Variants in LAMA2 observed in about 807,000 individuals in gnomAD.
The protein encoded by LAMA2 is laminin subunit alpha 2, also known as laminin subunit alpha-2.
A neutral mutation model predicts 364.8 loss-of-function variants in LAMA2; 269 were observed. The observed-to-expected ratio is 0.74, with a 90% confidence interval of 0.67 to 0.82. The LOEUF (loss-of-function observed/expected upper bound fraction) is 0.82, where lower values mean the gene tolerates loss of function less well. Among genes scored for constraint, LAMA2 ranks in the 40% least tolerant of loss-of-function variants. The probability of loss-of-function intolerance (pLI) is 0.00; values close to 1 mark genes in which losing one functional copy is unlikely to be tolerated. For synonymous variants in LAMA2, 1,379 were observed against 1,370.6 expected (o/e 1.01, Z -0.14); for missense variants, 3,807 against 3,873.2 (o/e 0.98, Z 0.45).
intron 1 of LAMA2, among the ~76,000 whole-genome samples, chr6:128,898,945 A>G (rs1449554365): frequency 6.6e-6 from 1 of 152,072 alleles, no homozygotes; most frequent in Non-Finnish European, 1.5e-5. Context: ...TCTCCTTCTC[A>G]ATATTCCAAT....
chr6:129,492,179 G>A (rs1251131983), intron 57 of LAMA2, 102 bp downstream of exon 57: 2 of 1,402,006 alleles, frequency 1.4e-6, no homozygotes, highest in East Asian at 4.6e-5. Context: ...CAGGGGAGGA[G>A]GGAAACAATG....
At chr6:129,123,957 G>A (rs2114923728) in intron 4 of LAMA2, among the ~76,000 whole-genome samples, 1 of 152,218 alleles carries the variant, frequency 6.6e-6, no homozygotes, top group Admixed American at 6.5e-5. Flanking sequence ...ATATATATGT[G>A]GCAGAGACGG....
At chr6:129,211,168 G>T (rs1466356703) in intron 12 of LAMA2, among the ~76,000 whole-genome samples, 4 of 152,012 alleles carry the variant, frequency 2.6e-5, no homozygotes, top group Non-Finnish European at 5.9e-5. Flanking sequence ...ACAAAATATG[G>T]TAAAGTGACT....
At chr6:129,464,143 A>T in intron 49 of LAMA2, 147 bp from the exon 50 acceptor site, 1 of 733,842 alleles carries the variant, frequency 1.4e-6, no homozygotes, top group Non-Finnish European at 2.4e-6. Flanking sequence ...GGCAGTAGAG[A>T]TGGAGATAAG....
intron 41 of LAMA2, among the ~76,000 whole-genome samples, chr6:129,436,045 T>C (rs1781815426): frequency 6.6e-6 from 1 of 152,226 alleles, no homozygotes; most frequent in African/African-American, 2.4e-5. Flanking sequence ...TCAGTCTTGG[T>C]GTTGACAAAT....
At chr6:129,447,748 G>T (rs1414738) in intron 45 of LAMA2, among the ~76,000 whole-genome samples, 22,099 of 152,130 alleles carry the variant, frequency 0.15, 1,711 homozygotes, top group East Asian at 0.21. Context: ...TGTGGCAAGA[G>T]AAAAGAAGAA....
rs1562324560 is a variant in LAMA2 at position 129,200,345 on chromosome 6, T to TATAC, written c.1782+7492_1782+7493insATAC. Reference sequence around the variant, plus strand: ...GTACACATATACATATACACGTATATGTGTACACATATACATATACACGTG... The same window carrying TATAC: ...GTACACATATACATATACACGTATATATACGTGTACACATATACATATACACGTG... On this transcript the variant is annotated intron_variant, in intron 12 of 64. Coordinates refer to ENST00000421865, the MANE Select transcript of LAMA2 (RefSeq NM_000426.4). Among the ~76,000 whole-genome samples, 2 of 124,430 alleles carry TATAC rather than the reference T, an allele frequency of 1.6e-5. 1 individual carries two copies. The allele number at this position is 124,430 out of a possible 152,430, so 81.6% of individuals were successfully genotyped here.
chr6:129,265,830 G>A (rs185588308), intron 15 of LAMA2, among the ~76,000 whole-genome samples: 32 of 152,112 alleles, frequency 2.1e-4, no homozygotes, highest in Admixed American at 1.4e-3. Context: ...AAACCTGCAC[G>A]TTCTGCACAT....
rs1398841167 is a variant in LAMA2 at position 129,260,772 on chromosome 6, G to A, written c.2158G>A (p.Ala720Thr). ...TCCTACTGATGGAAGCATTGCAGCAGCTGTAGAAGTGTGTCAGTGCCCACC... is the reference window on the plus strand; with the variant it reads ...TCCTACTGATGGAAGCATTGCAGCAACTGTAGAAGTGTGTCAGTGCCCACC... Reference protein sequence around the residue: ...SYPTDGSIAAAVEVCQCPPGY... With the variant: ...SYPTDGSIAATVEVCQCPPGY... Residue 720 changes from alanine to threonine, a missense_variant, in exon 15 of 65, where the codon GCT (alanine) becomes ACT (threonine). This residue lies in a region of LAMA2 where 3,333 missense variants were observed against 3,345.7 expected (regional missense o/e 1.00). Coordinates refer to ENST00000421865, the MANE Select transcript of LAMA2 (RefSeq NM_000426.4). The A allele has an allele frequency of 1.2e-6, 2 of 1,612,754 alleles. No individual in the cohort carries two copies. Among genetic ancestry groups the A allele is most frequent in the Non-Finnish European group, 1.7e-6 (2 of 1,179,002 alleles).
chr6:129,374,558 G>T (rs1486160156), intron 34 of LAMA2, among the ~76,000 whole-genome samples: 1 of 151,746 alleles, frequency 6.6e-6, no homozygotes, highest in Non-Finnish European at 1.5e-5. Flanking sequence ...TCTGGAAAAT[G>T]CCTTAATTGG....
intron 16 of LAMA2, among the ~76,000 whole-genome samples, chr6:129,270,176 A>G (rs2114354940): frequency 6.6e-6 from 1 of 152,000 alleles, no homozygotes. Context: ...CACAGTTCCC[A>G]TTAAATCAGC....
intron 1 of LAMA2, among the ~76,000 whole-genome samples, chr6:128,907,883 T>C (rs1348718101): frequency 2.0e-5 from 3 of 152,210 alleles, no homozygotes; most frequent in African/African-American, 4.8e-5. Flanking sequence ...TCTGCATCTA[T>C]TGAGATAATC....
chr6:129,436,625 C>T (rs1344368332), intron 41 of LAMA2, among the ~76,000 whole-genome samples: 1 of 152,020 alleles, frequency 6.6e-6, no homozygotes, highest in East Asian at 1.9e-4. Flanking sequence ...ATTTAAAATT[C>T]TAATAAACTT....
In LAMA2 at chr6:128,936,217, G is replaced by A. The variant is rs1233459452; in HGVS notation, c.112+52860G>A. Among the ~76,000 whole-genome samples the A allele has an allele frequency of 2.6e-5, 4 of 152,244 alleles. No individual in the cohort carries two copies. The East Asian group carries it at 7.7e-4, about 29-fold the overall frequency. ...ACCCAGTTTCGGGCAGTTCTTTATA[G>A]CCTTGTGAAAACGACTAATACAGCA... is the stretch of plus-strand genomic sequence containing the variant. On this transcript the variant is annotated intron_variant, in intron 1 of 64. Transcript: ENST00000421865.
intron 14 of LAMA2, among the ~76,000 whole-genome samples, chr6:129,254,288 A>G (rs1227371485): frequency 1.3e-5 from 2 of 152,352 alleles, no homozygotes; most frequent in East Asian, 3.9e-4. Flanking sequence ...TAACAGAAGG[A>G]GAACTGGACT....
At chr6:129,300,674 C>T in intron 21 of LAMA2, 62 bp from the exon 22 acceptor site, 3 of 1,546,452 alleles carry the variant, frequency 1.9e-6, no homozygotes, top group East Asian at 4.5e-5. Flanking sequence ...TAAAACTCAA[C>T]ACTTTGTGTC....
intron 20 of LAMA2, 58 bp from the exon 21 acceptor site, chr6:129,297,627 T>C: frequency 6.6e-7 from 1 of 1,517,298 alleles, no homozygotes; most frequent in Non-Finnish European, 9.1e-7. Flanking sequence ...TTGTGCATCT[T>C]GCTTCACTTC....
intron 1 of LAMA2, among the ~76,000 whole-genome samples, chr6:128,961,900 G>A (rs1562873669): frequency 6.6e-6 from 1 of 151,562 alleles, no homozygotes; most frequent in Non-Finnish European, 1.5e-5. Context: ...ACCTAACTAA[G>A]ATTTTGCAGC....
rs150473904 is a variant in LAMA2 at position 129,275,886 on chromosome 6, G to A, written c.2451-4175G>A. Among the ~76,000 whole-genome samples the A allele has an allele frequency of 6.6e-5, 10 of 151,934 alleles. No individual in the cohort carries two copies. In the East Asian group the frequency reaches 1.2e-3, roughly 18 times the overall value. On this transcript the variant is annotated intron_variant, in intron 17 of 64. Coordinates refer to ENST00000421865, the MANE Select transcript of LAMA2 (RefSeq NM_000426.4). ...GGAAACAGGTTTAGAGAAATATATC[G>A]TTCAAAGACATACTTAGAAAATAAA...
Sources: gnomAD v4.1 joint callset for allele counts (sites outside exome capture counted in the v4.1 genomes callset) on GRCh38, gnomAD v4.1.1 for gene constraint, gnomAD v4.1.1 regional missense constraint, MANE v1.5 for transcripts, NCBI Gene and HGNC (gene_info 2026-07-23, HGNC 2026-07-21) for gene names.